The following SPG7 variants were observed in gnomAD, a reference collection of about 807,000 sequenced individuals.
The protein encoded by SPG7 is SPG7 matrix AAA peptidase subunit, paraplegin, also known as mitochondrial inner membrane m-AAA protease component paraplegin.
In SPG7, 103 loss-of-function variants were observed where a neutral mutation model predicts 81.9. The ratio of observed to expected loss-of-function variants is 1.26; its 90% CI spans 1.07 to 1.48. The LOEUF (loss-of-function observed/expected upper bound fraction) is 1.48, where lower values mean the gene tolerates loss of function less well. Among genes scored for constraint, SPG7 ranks in the 40% most tolerant of loss-of-function variants. The pLI is 0.00. For synonymous variants in SPG7, 534 were observed against 444.2 expected (o/e 1.20, Z -2.54); for missense variants, 1,241 against 1,087.3 (o/e 1.14, Z -1.99).
intron 6 of SPG7, 25 bp downstream of exon 6, chr16:89,529,604 C>G (rs368011393): frequency 1.8e-5 from 27 of 1,510,070 alleles, no homozygotes; most frequent in Non-Finnish European, 1.9e-5. Context: ...TCAGAGCTCT[C>G]TGAACTCTTT....
intron 9 of SPG7, chr16:89,536,907 C>T (rs776205807): frequency 1.4e-5 from 23 of 1,614,184 alleles, no homozygotes; most frequent in Non-Finnish European, 1.9e-5. Flanking sequence ...GCCTTTTGCA[C>T]TGAAGATAGA....
Position 89,530,914 on chromosome 16 carries a change from G to C in SPG7, c.987+106G>C, listed in dbSNP as rs2058333048. ...GGAATTCCATCGATGACGTGTCGTG[G>C]GTTGGCGGTGACCTCTACCATGTCC... On this transcript the variant is annotated intron_variant, in intron 7 of 16. Coordinates refer to ENST00000645818, the MANE Select transcript of SPG7 (RefSeq NM_003119.4). 5 of 1,505,044 alleles carry C rather than the reference G, an allele frequency of 3.3e-6. No homozygotes were observed. In the African/African-American group the frequency reaches 4.1e-5, roughly 12 times the overall value. 93.2% of individuals were successfully genotyped at this position (1,505,044 alleles called of 1,614,324 possible).
chr16:89,531,235 C>T lies in SPG7; in HGVS notation c.987+427C>T, dbSNP rs1163894383. ...ACCTCGAGGGGCTGACATGTGTTCC[C>T]TCTGCAGGCCTGGTACAGTGGGTCA... On this transcript the variant is annotated intron_variant, in intron 7 of 16. Coordinates refer to ENST00000645818, the MANE Select transcript of SPG7 (RefSeq NM_003119.4). 2.9e-5 allele frequency: 10 copies of T among 340,662 alleles called. No individual in the cohort carries two copies. The East Asian group carries it at 3.0e-4, about 10-fold the overall frequency. 21.1% of individuals were successfully genotyped at this position (340,662 alleles called of 1,614,324 possible).
rs1289281747 is a variant in SPG7 at position 89,557,191 on chromosome 16, C to T, written c.*98C>T. On this transcript the variant is annotated 3_prime_UTR_variant, in exon 17 of 17. Coordinates refer to ENST00000645818, the MANE Select transcript of SPG7 (RefSeq NM_003119.4). Reference sequence around the variant, plus strand: ...CAGCTGAGGTTTGCACTTCCTCTCGCGGCCCTCAGTAGTCCCTGCACAGTG... The same window carrying T: ...CAGCTGAGGTTTGCACTTCCTCTCGTGGCCCTCAGTAGTCCCTGCACAGTG... The T allele has an allele frequency of 3.9e-5, 32 of 813,658 alleles. No homozygotes were observed. Among genetic ancestry groups the T allele is most frequent in the Non-Finnish European group, 5.8e-5 (28 of 484,280 alleles). The allele number at this position is 813,658 out of a possible 1,614,324, so 50.4% of individuals were successfully genotyped here. A position where few individuals can be genotyped will look rare whatever the true frequency, so the allele number is the denominator to read the frequency against.
Position 89,557,303 on chromosome 16 carries a change from C to T in SPG7, c.*210C>T, listed in dbSNP as rs1329950414. ...CTGACGGAGTCCTGTGTTTGTGAGTCGTTTCCCCTATGGGGAAGGTTATCA... is the reference window on the plus strand; with the variant it reads ...CTGACGGAGTCCTGTGTTTGTGAGTTGTTTCCCCTATGGGGAAGGTTATCA... On this transcript the variant is annotated 3_prime_UTR_variant, in exon 17 of 17. Transcript: ENST00000645818. The T allele has an allele frequency of 2.7e-5, 16 of 585,920 alleles. 1 individual carries two copies. Among genetic ancestry groups the T allele is most frequent in the South Asian group, 1.4e-4 (7 of 49,794 alleles). The allele number at this position is 585,920 out of a possible 1,614,324, so 36.3% of individuals were successfully genotyped here.
At chr16:89,532,130 C>G in intron 8 of SPG7, 64 bp downstream of exon 8, 1 of 1,522,742 alleles carries the variant, frequency 6.6e-7, no homozygotes. Context: ...TTCACACATC[C>G]TTCCTCTGGT....
intron 4 of SPG7, among the ~76,000 whole-genome samples, chr16:89,525,072 A>G (rs1597622534): frequency 7.1e-6 from 1 of 141,840 alleles, no homozygotes; most frequent in East Asian, 2.1e-4. Context: ...TGATCTACCC[A>G]CCTCAGCCTC....
intron 5 of SPG7, chr16:89,528,865 T>A (rs2058304092): frequency 6.2e-6 from 1 of 161,860 alleles, no homozygotes. Flanking sequence ...AGGCTGGAGT[T>A]CAGTGGCACG....
At chr16:89,530,377 C>T in intron 6 of SPG7, 1 of 419,794 alleles carries the variant, frequency 2.4e-6, no homozygotes, top group Admixed American at 3.5e-5. Context: ...ATCTCTTGAC[C>T]TCGTGATCCG....
At chr16:89,526,495 T>G (rs1399939114) in intron 5 of SPG7, 27 bp downstream of exon 5, 1 of 1,613,872 alleles carries the variant, frequency 6.2e-7, no homozygotes, top group East Asian at 2.2e-5. Context: ...TGTTGATGCT[T>G]GAACTAAACC....
rs766401031 is a variant in SPG7 at position 89,532,569 on chromosome 16, C to T, written c.1257C>T (p.Thr419=). 2.1e-5 allele frequency: 34 copies of T among 1,613,702 alleles called. 1 individual carries two copies. In the South Asian group the frequency reaches 3.1e-4, roughly 15 times the overall value. Residue 419 remains threonine (T), a synonymous_variant, in exon 9 of 17, where the codon ACC becomes ACT. Coordinates refer to ENST00000645818, the MANE Select transcript of SPG7 (RefSeq NM_003119.4). ...ACGCGGTGGGCAAGAAGCGCTCCAC[C>T]ACCATGTCCGGCTTCTCCAACACGG... is the stretch of plus-strand genomic sequence containing the variant. ...EIDAVGKKRS[T]TMSGFSNTEE...
intron 13 of SPG7, chr16:89,551,501 C>T (rs2058634034): frequency 6.6e-6 from 1 of 152,588 alleles, no homozygotes; most frequent in African/African-American, 2.4e-5. Flanking sequence ...CGATGTGCAC[C>T]ACAGTCATGG....
Position 89,509,978 on chromosome 16 carries a change from A to G in SPG7, c.184-512A>G, listed in dbSNP as rs542631406. On this transcript the variant is annotated intron_variant, in intron 1 of 16. Coordinates refer to ENST00000645818, the MANE Select transcript of SPG7 (RefSeq NM_003119.4). The stretch of plus-strand genomic sequence containing the variant: ...CACTATCGTGATTTTTTGTTTGTTT[A>G]TTTGTTTGTTTTTTGAGATGGAGTT... 2.3e-3 allele frequency among the ~76,000 whole-genome samples: 332 copies of G among 142,606 alleles called. 1 individual carries two copies. The highest frequency in any genetic ancestry group is 8.2e-3 in the African/African-American group (313 of 38,272). 93.6% of individuals were successfully genotyped at this position (142,606 alleles called of 152,430 possible). A position where few individuals can be genotyped will look rare whatever the true frequency, so the allele number is the denominator to read the frequency against.
chr16:89,524,019 C>CTCACGGCGACGACGTGGT lies in SPG7; in HGVS notation c.390_391insTCACGGCGACGACGTGGT (p.Arg130_Arg131insSerArgArgArgArgGly), dbSNP rs1567906132. 1 of 1,612,890 alleles carries CTCACGGCGACGACGTGGT rather than the reference C, an allele frequency of 6.2e-7. No homozygotes were observed. The highest frequency in any genetic ancestry group is 1.1e-5 in the South Asian group (1 of 91,076). Reference sequence around the variant, plus strand: ...CTGCCGGCTCAGAGGAGAGGAGACGCCGTGAGCGGGACGACCAGATGTACC... The same window carrying CTCACGGCGACGACGTGGT: ...CTGCCGGCTCAGAGGAGAGGAGACGCTCACGGCGACGACGTGGTCGTGAGCGGGACGACCAGATGTACC... On this transcript the variant is annotated inframe_insertion, in exon 4 of 17. Transcript: ENST00000645818.
intron 5 of SPG7, 154 bp downstream of exon 5, chr16:89,526,622 C>A: frequency 1.3e-6 from 1 of 779,724 alleles, no homozygotes; most frequent in Non-Finnish European, 2.2e-6. Context: ...GTGAATGATA[C>A]AATGCCAGGA....
intron 4 of SPG7, among the ~76,000 whole-genome samples, 195 bp downstream of exon 4, chr16:89,524,442 C>CTTTGTT (rs924258232): frequency 6.6e-5 from 10 of 152,110 alleles, no homozygotes; most frequent in South Asian, 6.2e-4. Context: ...ATTTGGTTGC[C>CTTTGTT]TTTGTTTTTG....
chr16:89,515,092 A>G (rs112502700), intron 3 of SPG7, among the ~76,000 whole-genome samples: 86 of 150,904 alleles, frequency 5.7e-4, no homozygotes, highest in African/African-American at 1.9e-3. Flanking sequence ...GCCCGCCACC[A>G]TACCCGGCTC....
At chr16:89,556,850 C>G (rs1242400956) in intron 16 of SPG7, 37 bp from the exon 17 acceptor site, 2 of 1,515,386 alleles carry the variant, frequency 1.3e-6, no homozygotes, top group South Asian at 1.1e-5. Flanking sequence ...TCTGTCTGCC[C>G]TGGGGACTCA....
Position 89,557,357 on chromosome 16 carries a change from C to G in SPG7, c.*264C>G. 2.0e-6 allele frequency: 1 copy of G among 512,542 alleles called. No homozygotes were observed. Among genetic ancestry groups the G allele is most frequent in the Non-Finnish European group, 3.5e-6 (1 of 281,964 alleles). The allele number at this position is 512,542 out of a possible 1,614,324, so 31.7% of individuals were successfully genotyped here. A position where few individuals can be genotyped will look rare whatever the true frequency, so the allele number is the denominator to read the frequency against. ...CTTCCCGAGTGAGCATGGAACACTTCGAGTTCCCAGGGTTATAGACAGTCG... is the reference window on the plus strand; with the variant it reads ...CTTCCCGAGTGAGCATGGAACACTTGGAGTTCCCAGGGTTATAGACAGTCG... On this transcript the variant is annotated 3_prime_UTR_variant, in exon 17 of 17. Transcript: ENST00000645818.
Sources: gnomAD v4.1 joint callset for allele counts (sites outside exome capture counted in the v4.1 genomes callset) on GRCh38, gnomAD v4.1.1 for gene constraint, MANE v1.5 for transcripts, NCBI Gene and HGNC (gene_info 2026-07-23, HGNC 2026-07-21) for gene names.